The following NRXN3 variants were observed in gnomAD, a reference collection of about 807,000 sequenced individuals.
The protein encoded by NRXN3 is neurexin III.
In NRXN3, 32 loss-of-function variants were observed where a neutral mutation model predicts 137.6. The observed-to-expected ratio is 0.23, with a 90% CI of 0.18 to 0.31. NRXN3 has a LOEUF of 0.31. NRXN3 is among the 10% of genes least tolerant of loss of function. The pLI, the probability that NRXN3 is intolerant of heterozygous loss-of-function variation, is 1.00. For missense variants in NRXN3, 1,574 were observed against 2,062.5 expected, an observed-to-expected ratio of 0.76 and a Z score of 4.59; for synonymous variants, 798 against 784.5, an observed-to-expected ratio of 1.02 and a Z score of -0.29.
At chr14:78,968,573 T>A (rs1050854230) in intron 14 of NRXN3, among the ~76,000 whole-genome samples, 1 of 152,190 alleles carries the variant, frequency 6.6e-6, no homozygotes, top group Non-Finnish European at 1.5e-5. Context: ...GAGTATCACA[T>A]ACTTGCCAAT....
intron 15 of NRXN3, among the ~76,000 whole-genome samples, chr14:79,345,930 C>T (rs763879396): frequency 1.1e-4 from 17 of 152,112 alleles, no homozygotes; most frequent in Non-Finnish European, 2.1e-4. Flanking sequence ...CAAAAATGGC[C>T]GAACACACAA....
Position 78,794,093 on chromosome 14 carries a change from A to T in NRXN3, c.2045-9527A>T, listed in dbSNP as rs140526180. 2.4e-3 allele frequency among the ~76,000 whole-genome samples: 370 copies of T among 152,284 alleles called. 1 individual carries two copies. The highest frequency in any genetic ancestry group is 4.6e-3 in the Admixed American group (70 of 15,296). On this transcript the variant is annotated intron_variant, in intron 8 of 20. Transcript: ENST00000335750. ...TTTGCAGGAGGGAGTTCAAATAATA[A>T]CACCAGACTGGGCATGGTGGCTCAA... is the stretch of plus-strand genomic sequence containing the variant.
chr14:78,187,393 G>C (rs2153366903), intron 1 of NRXN3, among the ~76,000 whole-genome samples: 1 of 152,106 alleles, frequency 6.6e-6, no homozygotes, highest in Admixed American at 6.5e-5. Context: ...TACTAGTTGA[G>C]TGATTACCTC....
chr14:79,792,797 G>A (rs2099149380), intron 19 of NRXN3, among the ~76,000 whole-genome samples: 1 of 152,166 alleles, frequency 6.6e-6, no homozygotes, highest in African/African-American at 2.4e-5. Flanking sequence ...AAGCCAATGC[G>A]AGCAAAGGTT....
At chr14:78,788,766 A>G (rs2098796751) in intron 8 of NRXN3, among the ~76,000 whole-genome samples, 1 of 152,146 alleles carries the variant, frequency 6.6e-6, no homozygotes, top group African/African-American at 2.4e-5. Context: ...AAATGGCACA[A>G]TTCAAATGGG....
chr14:79,342,292 G>A (rs1480960074), intron 15 of NRXN3, among the ~76,000 whole-genome samples: 1 of 152,216 alleles, frequency 6.6e-6, no homozygotes, highest in East Asian at 1.9e-4. Context: ...CTAAGATGCA[G>A]ACAGGTATAG....
chr14:79,200,435 T>TA (rs1250049999), intron 15 of NRXN3, among the ~76,000 whole-genome samples: 1 of 151,902 alleles, frequency 6.6e-6, no homozygotes. Flanking sequence ...AGTGGGGCAA[T>TA]ATGTGGAATA....
intron 4 of NRXN3, among the ~76,000 whole-genome samples, chr14:78,352,084 T>C (rs2083597590): frequency 2.6e-5 from 1 of 38,246 alleles, no homozygotes; most frequent in African/African-American, 1.0e-4. Context: ...TCAGACTCTG[T>C]CTTAAAAGAA....
At chr14:79,298,228 T>C (rs1228267863) in intron 15 of NRXN3, among the ~76,000 whole-genome samples, 3 of 152,132 alleles carry the variant, frequency 2.0e-5, no homozygotes, top group African/African-American at 4.8e-5. Flanking sequence ...AACTGGCTTA[T>C]AATGACATGA....
intron 4 of NRXN3, among the ~76,000 whole-genome samples, chr14:78,493,281 G>A (rs528251853): frequency 2.0e-5 from 3 of 151,956 alleles, no homozygotes; most frequent in Non-Finnish European, 2.9e-5. Flanking sequence ...CAGCACTTTG[G>A]GAGGATCAGG....
At chr14:79,022,280 A>G (rs1343482400) in intron 15 of NRXN3, among the ~76,000 whole-genome samples, 2 of 152,216 alleles carry the variant, frequency 1.3e-5, no homozygotes, top group Non-Finnish European at 2.9e-5. Flanking sequence ...AATAGGAGCT[A>G]GAGAACATGA....
chr14:79,824,396 T>C (rs2141105692), intron 20 of NRXN3, among the ~76,000 whole-genome samples: 1 of 30,802 alleles, frequency 3.2e-5, no homozygotes, highest in East Asian at 1.7e-3. Context: ...ATCAGGGTTT[T>C]TTGATGGTTT....
rs377365417 is a variant in NRXN3 at position 78,714,635 on chromosome 14, C to A, written c.1661-121C>A. 719 of 1,106,018 alleles carry A rather than the reference C, an allele frequency of 6.5e-4. 6 individuals are homozygous for A. In the South Asian group the frequency reaches 9.1e-3, roughly 14 times the overall value. 68.5% of individuals were successfully genotyped at this position (1,106,018 alleles called of 1,614,324 possible). On this transcript the variant is annotated intron_variant, in intron 7 of 20. Transcript: ENST00000335750. ...TTCCATTGTCTTGTAACATCTAATT[C>A]TCTTGCTTACATTGTTCTCTCCTGG... is the stretch of plus-strand genomic sequence containing the variant.
chr14:78,888,722 G>C (rs2099150554), intron 10 of NRXN3, among the ~76,000 whole-genome samples: 1 of 152,030 alleles, frequency 6.6e-6, no homozygotes, highest in African/African-American at 2.4e-5. Flanking sequence ...TTATGAATTA[G>C]ATTTTTAAGA....
intron 15 of NRXN3, among the ~76,000 whole-genome samples, chr14:79,048,346 T>C (rs1310004223): frequency 6.6e-6 from 1 of 152,174 alleles, no homozygotes; most frequent in Non-Finnish European, 1.5e-5. Context: ...AGGGGTACAT[T>C]GATTTGTTAA....
chr14:78,665,602 G>T (rs1295510784), intron 6 of NRXN3, among the ~76,000 whole-genome samples: 3 of 152,176 alleles, frequency 2.0e-5, no homozygotes, highest in Non-Finnish European at 4.4e-5. Context: ...CCAGGAGCCT[G>T]AGTGGTCAGG....
chr14:79,830,407 T>C (rs2099319686), intron 20 of NRXN3, among the ~76,000 whole-genome samples: 2 of 152,222 alleles, frequency 1.3e-5, no homozygotes, highest in Non-Finnish European at 2.9e-5. Context: ...GGCACCTTTT[T>C]TTCTGAGAGC....
chr14:78,286,225 C>T lies in NRXN3; in HGVS notation c.727+7563C>T, dbSNP rs116433032. On this transcript the variant is annotated intron_variant, in intron 3 of 20. Coordinates refer to ENST00000335750, the MANE Select transcript of NRXN3 (RefSeq NM_001330195.2). ...AATGGGCGGAGGTGTTTATTTGTTGCTCCAGTGTTGAGGGCAGCAGTGGCA... is the reference window on the plus strand; with the variant it reads ...AATGGGCGGAGGTGTTTATTTGTTGTTCCAGTGTTGAGGGCAGCAGTGGCA... Among the ~76,000 whole-genome samples, 548 of 152,266 alleles carry T rather than the reference C, an allele frequency of 3.6e-3. 3 individuals are homozygous for T. Among genetic ancestry groups the T allele is most frequent in the African/African-American group, 0.013 (531 of 41,550 alleles).
chr14:79,629,677 T>A (rs577923315), intron 16 of NRXN3, among the ~76,000 whole-genome samples: 27 of 152,138 alleles, frequency 1.8e-4, no homozygotes, highest in African/African-American at 5.1e-4. Context: ...GGTGACAAAG[T>A]GTGCAGGAAC....
Sources: gnomAD v4.1 joint callset for allele counts (sites outside exome capture counted in the v4.1 genomes callset) on GRCh38, gnomAD v4.1.1 for gene constraint, MANE v1.5 for transcripts, NCBI Gene and HGNC (gene_info 2026-07-23, HGNC 2026-07-21) for gene names.